Variants in RNF115 observed in about 807,000 individuals in gnomAD.
RNF115 encodes the protein ring finger protein 115.
In RNF115, 31 loss-of-function variants were observed where a neutral mutation model predicts 39.2. That is an observed-to-expected ratio of 0.79 (90% CI 0.59 to 1.07). The LOEUF (loss-of-function observed/expected upper bound fraction) is 1.07. RNF115 is among the 50% of genes least tolerant of loss of function. The pLI is 0.00. For synonymous variants in RNF115, 124 were observed against 131.0 expected (o/e 0.95, Z 0.37); for missense variants, 384 against 381.7 (o/e 1.01, Z -0.05).
At chr1:145,808,546 T>C (rs1323278496) in intron 1 of RNF115, among the ~76,000 whole-genome samples, 1 of 152,168 alleles carries the variant, frequency 6.6e-6, no homozygotes, top group Admixed American at 6.5e-5. Flanking sequence ...TTTTTTATTA[T>C]AGTTTCAACA....
chr1:145,748,103 A>T lies in RNF115; in HGVS notation c.675T>A (p.Gly225=), dbSNP rs1553712022. ...VTVTQEQVDM[G]LECPVCKEDY... is the part of the protein sequence containing the mutation. Reference sequence around the variant, plus strand: ...CTTCTTTGCATACTGGACACTCTAAACCCATATCTGTTGAAGAAGGAAATG... The same window carrying T: ...CTTCTTTGCATACTGGACACTCTAATCCCATATCTGTTGAAGAAGGAAATG... Residue 225 remains glycine, a synonymous_variant, in exon 8 of 9, where the codon GGT becomes GGA. Coordinates refer to ENST00000582693, the MANE Select transcript of RNF115 (RefSeq NM_014455.4). 1.9e-6 allele frequency: 3 copies of T among 1,610,154 alleles called. No individual in the cohort carries two copies. In the Admixed American group the frequency reaches 5.0e-5, roughly 27 times the overall value.
intron 4 of RNF115, among the ~76,000 whole-genome samples, chr1:145,764,049 T>A (rs1434795269): frequency 2.6e-5 from 4 of 152,132 alleles, no homozygotes; most frequent in African/African-American, 9.7e-5. Context: ...AAGTGCCTGC[T>A]ATTGCAGGCG....
At chr1:145,748,223 A>C (rs1471157231) in intron 7 of RNF115, 113 bp from the exon 8 acceptor site, 1 of 713,762 alleles carries the variant, frequency 1.4e-6, no homozygotes, top group Non-Finnish European at 2.5e-6. Flanking sequence ...ACAAGAGACA[A>C]AAGAAAATGT....
At position 145,750,509 on chromosome 1, in the gene RNF115, A is replaced by T; in HGVS notation, c.574-9T>A. 6.2e-7 allele frequency: 1 copy of T among 1,610,346 alleles called. No homozygotes were observed. The highest frequency in any genetic ancestry group is 8.5e-7 in the Non-Finnish European group (1 of 1,176,688). ...TCCAGTTGTCCTAAAAGCTACAAAAAAAGAGAAAGAAAAAGACGAAGTGGC... is the reference window on the plus strand; with the variant it reads ...TCCAGTTGTCCTAAAAGCTACAAAATAAGAGAAAGAAAAAGACGAAGTGGC... On this transcript the variant is annotated splice_polypyrimidine_tract_variant and intron_variant, in intron 6 of 8. Transcript: ENST00000582693.
chr1:145,811,369 AAAAAAAG>A (rs1268660505), intron 1 of RNF115, among the ~76,000 whole-genome samples: 7 of 147,516 alleles, frequency 4.7e-5, no homozygotes, highest in African/African-American at 1.2e-4. Flanking sequence ...AAAAAAAAAA[AAAAAAAG>A]AAAAAAGAAG....
chr1:145,763,124 T>C (rs1658596359), intron 4 of RNF115, among the ~76,000 whole-genome samples: 1 of 152,170 alleles, frequency 6.6e-6, no homozygotes, highest in African/African-American at 2.4e-5. Context: ...ACCCGTGTAA[T>C]AAACCTGCTG....
chr1:145,773,998 T>C (rs1553716144), intron 3 of RNF115, among the ~76,000 whole-genome samples: 1 of 152,130 alleles, frequency 6.6e-6, no homozygotes, highest in Non-Finnish European at 1.5e-5. Context: ...TAAGCTAAAA[T>C]GCCACAAAGA....
At chr1:145,784,141 T>C (rs782051967) in intron 3 of RNF115, among the ~76,000 whole-genome samples, 1 of 152,224 alleles carries the variant, frequency 6.6e-6, no homozygotes, top group African/African-American at 2.4e-5. Context: ...GACTATTTCA[T>C]TGTGACTTCG....
At chr1:145,767,037 C>A (rs1407130198) in intron 4 of RNF115, among the ~76,000 whole-genome samples, 5 of 144,384 alleles carry the variant, frequency 3.5e-5, no homozygotes, top group Non-Finnish European at 7.6e-5. Flanking sequence ...GCGCCCCTCA[C>A]CTCCCGGACG....
Position 145,769,934 on chromosome 1 carries a change from C to T in RNF115, c.428+1777G>A, listed in dbSNP as rs1371718499. On this transcript the variant is annotated intron_variant, in intron 4 of 8. Coordinates refer to ENST00000582693, the MANE Select transcript of RNF115 (RefSeq NM_014455.4). ...AAGTGGGAGGATTGCTTGAGCCCAC[C>T]GAGTTTGAGGTTGTAGTGAAACATG... Among the ~76,000 whole-genome samples, 5 of 152,072 alleles carry T rather than the reference C, an allele frequency of 3.3e-5. No homozygotes were observed. In the South Asian group the frequency reaches 6.2e-4, roughly 19 times the overall value.
intron 1 of RNF115, among the ~76,000 whole-genome samples, chr1:145,790,611 T>C (rs1648619353): frequency 6.6e-6 from 1 of 151,810 alleles, no homozygotes. Context: ...TTTGTATTTT[T>C]AGTAGAGACG....
intron 4 of RNF115, among the ~76,000 whole-genome samples, chr1:145,764,280 G>A (rs1658656694): frequency 6.6e-6 from 1 of 152,214 alleles, no homozygotes; most frequent in African/African-American, 2.4e-5. Context: ...CCACCTCCCA[G>A]CCGCCTGCCT....
chr1:145,764,609 G>A (rs1167676334), intron 4 of RNF115, among the ~76,000 whole-genome samples: 14 of 145,574 alleles, frequency 9.6e-5, no homozygotes, highest in South Asian at 2.2e-4. Context: ...CCCGGCAGCC[G>A]CCCCGTCTGG....
chr1:145,808,239 T>C (rs1649542441), intron 1 of RNF115, among the ~76,000 whole-genome samples: 1 of 152,182 alleles, frequency 6.6e-6, no homozygotes. Context: ...TATGGTAGTT[T>C]TCAGTTTTTT....
At position 145,742,481 on chromosome 1, in the gene RNF115, A is replaced by C. The variant is rs1553711109; in HGVS notation, c.*4385T>G. On this transcript the variant is annotated 3_prime_UTR_variant, in exon 9 of 9. Coordinates refer to ENST00000582693, the MANE Select transcript of RNF115 (RefSeq NM_014455.4). The stretch of plus-strand genomic sequence containing the variant: ...CCAGTGAATCCCTTCATCACAGAGA[A>C]TAACAGGGTACCAGCCCAAGCCAAC... The C allele has an allele frequency of 6.6e-6, 1 of 152,254 alleles. No homozygotes were observed. Among genetic ancestry groups the C allele is most frequent in the Non-Finnish European group, 1.5e-5 (1 of 68,050 alleles). 9.4% of individuals were successfully genotyped at this position (152,254 alleles called of 1,614,324 possible).
At chr1:145,801,153 G>A (rs1007084723) in intron 1 of RNF115, among the ~76,000 whole-genome samples, 1 of 152,040 alleles carries the variant, frequency 6.6e-6, no homozygotes, top group Non-Finnish European at 1.5e-5. Context: ...CCTGGGCACA[G>A]CGCAGAGCGC....
At position 145,823,894 on chromosome 1, in the gene RNF115, G is replaced by T. The variant is rs1553724999; in HGVS notation, c.-21C>A. 25 of 1,493,414 alleles carry T rather than the reference G, an allele frequency of 1.7e-5. No individual in the cohort carries two copies. The highest frequency in any genetic ancestry group is 2.2e-5 in the Non-Finnish European group (25 of 1,118,402). The allele number at this position is 1,493,414 out of a possible 1,614,324, so 92.5% of individuals were successfully genotyped here. A position where few individuals can be genotyped will look rare whatever the true frequency, so the allele number is the denominator to read the frequency against. On this transcript the variant is annotated 5_prime_UTR_variant, in exon 1 of 9. Transcript: ENST00000582693. ...GCCATTTTTGCCCTCCGCCGCGGCC[G>T]TCCGAGAGGGCAGCCGGCCCGTCCC...
chr1:145,795,318 A>T (rs1648921491), intron 1 of RNF115, among the ~76,000 whole-genome samples: 1 of 152,094 alleles, frequency 6.6e-6, no homozygotes, highest in Non-Finnish European at 1.5e-5. Context: ...TTTTACTGAG[A>T]AGAGCCAAGA....
In RNF115 at chr1:145,765,821, G is replaced by A. The variant is rs111601840; in HGVS notation, c.428+5890C>T. ...AATATTTGCAGAATGAATGAACAAT[G>A]TGAGAGTTCCCTGTCTCTGTGTTAG... On this transcript the variant is annotated intron_variant, in intron 4 of 8. Transcript: ENST00000582693. Among the ~76,000 whole-genome samples the A allele has an allele frequency of 2.6e-3, 401 of 152,272 alleles. 6 individuals carry two copies. The South Asian group carries it at 0.032, about 12-fold the overall frequency.
Sources: allele counts gnomAD v4.1 joint callset (sites outside exome capture counted in the v4.1 genomes callset), GRCh38; gene constraint gnomAD v4.1.1; transcripts MANE v1.5; gene names NCBI Gene and HGNC (gene_info 2026-07-23, HGNC 2026-07-21).